Variants in GPR158 observed in about 807,000 individuals in gnomAD.
GPR158 encodes G protein-coupled receptor 158, also known as metabotropic glycine receptor.
GPR158 carries 30 observed loss-of-function variants against 78.2 expected under a neutral mutation model. That is an observed-to-expected ratio of 0.38 (90% CI 0.29 to 0.52). The LOEUF is 0.52. Among genes scored for constraint, GPR158 ranks in the 20% least tolerant of loss-of-function variants. GPR158 has a pLI of 0.83. For missense variants in GPR158, 1,463 were observed against 1,523.5 expected (o/e 0.96, Z 0.66); for synonymous variants, 581 against 591.1 (o/e 0.98, Z 0.25).
intron 5 of GPR158, among the ~76,000 whole-genome samples, chr10:25,508,062 G>A (rs771279828): frequency 6.1e-4 from 93 of 152,240 alleles, no homozygotes; most frequent in Non-Finnish European, 1.2e-3. Flanking sequence ...ATCAGTCAAG[G>A]GACGGTAGTT....
intron 2 of GPR158, among the ~76,000 whole-genome samples, chr10:25,241,397 T>TTCTCC: frequency 7.1e-6 from 1 of 139,918 alleles, no homozygotes; most frequent in African/African-American, 3.0e-5. Flanking sequence ...TTCTCTTCTC[T>TTCTCC]TCTCTTCTCT....
chr10:25,335,860 A>C (rs1855198255), intron 2 of GPR158, among the ~76,000 whole-genome samples: 1 of 152,044 alleles, frequency 6.6e-6, no homozygotes, highest in Non-Finnish European at 1.5e-5. Flanking sequence ...AAGTGACTCC[A>C]GGGTGTACTA....
At chr10:25,525,373 A>C (rs530741379) in intron 5 of GPR158, among the ~76,000 whole-genome samples, 39 of 152,360 alleles carry the variant, frequency 2.6e-4, no homozygotes, top group Admixed American at 1.0e-3. Context: ...AGTGGAAGCA[A>C]TTCGCATGTT....
chr10:25,251,879 A>T (rs1173185392), intron 2 of GPR158, among the ~76,000 whole-genome samples: 21 of 151,828 alleles, frequency 1.4e-4, no homozygotes, highest in Admixed American at 1.2e-3. Flanking sequence ...AGATTGGGGA[A>T]GTTCTCCTGG....
chr10:25,407,024 C>T (rs915590200), intron 3 of GPR158, among the ~76,000 whole-genome samples: 4 of 152,220 alleles, frequency 2.6e-5, no homozygotes, highest in Non-Finnish European at 4.4e-5. Flanking sequence ...AATCACATTC[C>T]TTTAAGGTTC....
rs569581467 is a variant in GPR158 at position 25,473,355 on chromosome 10, G to A, written c.1404+6636G>A. ...TTTGATGTGCTGCTGGATTCGGTTC[G>A]CCAGTATTTTATTGAGGATTTTTGC... On this transcript the variant is annotated intron_variant, in intron 5 of 10. Transcript: ENST00000376351. 9.9e-5 allele frequency among the ~76,000 whole-genome samples: 15 copies of A among 152,214 alleles called. No homozygotes were observed. In the East Asian group the frequency reaches 1.2e-3, roughly 12 times the overall value.
intron 2 of GPR158, among the ~76,000 whole-genome samples, chr10:25,264,562 C>T (rs1397381973): frequency 5.9e-5 from 9 of 152,152 alleles, no homozygotes; most frequent in African/African-American, 2.2e-4. Context: ...GCAAAAGCTG[C>T]CCAGCTAAAC....
intron 3 of GPR158, among the ~76,000 whole-genome samples, chr10:25,406,983 A>G (rs773546746): frequency 1.3e-5 from 2 of 152,194 alleles, no homozygotes; most frequent in African/African-American, 2.4e-5. Flanking sequence ...TACAAAGGTT[A>G]TAGCTGCCAG....
chr10:25,193,996 C>G (rs1588728027), intron 1 of GPR158, among the ~76,000 whole-genome samples: 1 of 152,146 alleles, frequency 6.6e-6, no homozygotes, highest in East Asian at 1.9e-4. Context: ...ACACACATAG[C>G]AGTAGCAGGA....
intron 5 of GPR158, among the ~76,000 whole-genome samples, chr10:25,472,426 G>C (rs1046210033): frequency 1.3e-5 from 2 of 152,208 alleles, no homozygotes; most frequent in Non-Finnish European, 2.9e-5. Context: ...TTTCAGCTTA[G>C]GATGGACTTG....
At position 25,176,428 on chromosome 10, in the gene GPR158, G is replaced by T. The variant is rs1341040377; in HGVS notation, c.902+106G>T. On this transcript the variant is annotated intron_variant, in intron 1 of 10. Coordinates refer to ENST00000376351, the MANE Select transcript of GPR158 (RefSeq NM_020752.3). This position sits in a 1 kb window ranked among gnomAD's most constrained non-coding sequence, Gnocchi z 6.3. ...AGGAACCCTTGGCTGTGACGCGAACGCTTCTCACCCTCAGAGTAGAGACCC... is the reference window on the plus strand; with the variant it reads ...AGGAACCCTTGGCTGTGACGCGAACTCTTCTCACCCTCAGAGTAGAGACCC... 2.2e-6 allele frequency: 2 copies of T among 926,412 alleles called. No homozygotes were observed. The highest frequency in any genetic ancestry group is 1.6e-5 in the African/African-American group (1 of 60,948). The allele number at this position is 926,412 out of a possible 1,614,324, so 57.4% of individuals were successfully genotyped here.
chr10:25,181,644 A>G (rs11014435), intron 1 of GPR158, among the ~76,000 whole-genome samples: 31,251 of 152,140 alleles, frequency 0.21, 4,660 homozygotes, highest in African/African-American at 0.42. Flanking sequence ...GTAAATTGAG[A>G]AGGTTGGACA....
At chr10:25,564,547 A>G (rs372771844) in intron 6 of GPR158, among the ~76,000 whole-genome samples, 1 of 152,312 alleles carries the variant, frequency 6.6e-6, no homozygotes, top group East Asian at 1.9e-4. Flanking sequence ...GGGTAAAACA[A>G]AAGCAAGCCC....
chr10:25,347,225 C>T (rs1349501641), intron 2 of GPR158, among the ~76,000 whole-genome samples: 1 of 151,902 alleles, frequency 6.6e-6, no homozygotes, highest in Non-Finnish European at 1.5e-5. Flanking sequence ...CTGGAGACCT[C>T]CTGTATTCTC....
intron 4 of GPR158, among the ~76,000 whole-genome samples, chr10:25,460,919 T>C (rs1398965512): frequency 6.6e-6 from 1 of 152,204 alleles, no homozygotes; most frequent in Non-Finnish European, 1.5e-5. Context: ...GCTTTTAGTA[T>C]TATCATATCT....
chr10:25,333,321 G>A (rs550745729), intron 2 of GPR158, among the ~76,000 whole-genome samples: 35 of 152,252 alleles, frequency 2.3e-4, no homozygotes, highest in Middle Eastern at 3.4e-3. Context: ...CATCTTAAAT[G>A]GCACGATAGT....
At chr10:25,358,957 T>A (rs34560900) in intron 2 of GPR158, among the ~76,000 whole-genome samples, 15,112 of 152,038 alleles carry the variant, frequency 0.099, 1,845 homozygotes, top group African/African-American at 0.3. Context: ...TTAAGTTTTT[T>A]CTAGGTATCT....
chr10:25,446,400 T>C (rs1013241446), intron 4 of GPR158, among the ~76,000 whole-genome samples: 1 of 152,196 alleles, frequency 6.6e-6, no homozygotes, highest in Non-Finnish European at 1.5e-5. Flanking sequence ...GTGAGAGAGT[T>C]CTTGCCTTCC....
intron 2 of GPR158, among the ~76,000 whole-genome samples, chr10:25,339,447 G>A (rs2130504254): frequency 6.6e-6 from 1 of 152,106 alleles, no homozygotes; most frequent in East Asian, 1.9e-4. Flanking sequence ...TGTCATCACT[G>A]AATAATAACA....
Sources: allele counts gnomAD v4.1 joint callset (sites outside exome capture counted in the v4.1 genomes callset), GRCh38; gene constraint gnomAD v4.1.1; non-coding constraint Gnocchi (gnomAD v3.1); transcripts MANE v1.5; gene names NCBI Gene and HGNC (gene_info 2026-07-23, HGNC 2026-07-21).